LBP: variants seen among roughly 807,000 people sequenced by gnomAD.
LBP encodes lipopolysaccharide binding protein.
LBP carries 53 observed loss-of-function variants against 56.6 expected under a neutral mutation model. The ratio of observed to expected loss-of-function variants is 0.94; its 90% confidence interval spans 0.75 to 1.18. The LOEUF is 1.18. Ranked by LOEUF, LBP falls within the 50% of genes most tolerant of loss-of-function variation. LBP has a pLI of 0.00. For missense variants in LBP, 601 were observed against 598.3 expected (o/e 1.00, Z -0.05); for synonymous variants, 227 against 247.5 (o/e 0.92, Z 0.78).
At chr20:38,362,207 C>A (rs1404420596) in intron 6 of LBP, among the ~76,000 whole-genome samples, 3 of 150,696 alleles carry the variant, frequency 2.0e-5, no homozygotes, top group Non-Finnish European at 4.4e-5. Flanking sequence ...TACAGGCGCC[C>A]GCCACCACGT....
intron 2 of LBP, among the ~76,000 whole-genome samples, chr20:38,350,037 G>C (rs965273071): frequency 6.6e-6 from 1 of 152,180 alleles, no homozygotes; most frequent in Non-Finnish European, 1.5e-5. Flanking sequence ...GGTTAGAGCT[G>C]AAGTTTGTAC....
chr20:38,368,797 G>A (rs1431907885), intron 9 of LBP, among the ~76,000 whole-genome samples, 198 bp from the exon 10 acceptor site: 2 of 152,156 alleles, frequency 1.3e-5, no homozygotes, highest in Non-Finnish European at 2.9e-5. Flanking sequence ...CAACACAGCC[G>A]TGAAATAGAT....
chr20:38,359,817 C>G (rs989279523), intron 5 of LBP, among the ~76,000 whole-genome samples: 1 of 152,154 alleles, frequency 6.6e-6, no homozygotes, highest in Non-Finnish European at 1.5e-5. Context: ...TGCACATTTC[C>G]TTCTCTTGAG....
chr20:38,349,503 G>A (rs1314760708), intron 1 of LBP, 45 bp from the exon 2 acceptor site: 1 of 1,431,360 alleles, frequency 7.0e-7, no homozygotes, highest in South Asian at 1.2e-5. Context: ...AGCAGGGGAG[G>A]AGGCAGGCAG....
intron 10 of LBP, 59 bp from the exon 11 acceptor site, chr20:38,370,679 C>A: frequency 6.9e-7 from 1 of 1,457,250 alleles, no homozygotes; most frequent in Non-Finnish European, 9.6e-7. Context: ...TCGTCATCAT[C>A]CTTCCTATAC....
chr20:38,364,252 T>TA, intron 7 of LBP, among the ~76,000 whole-genome samples, 186 bp downstream of exon 7: 1 of 152,172 alleles, frequency 6.6e-6, no homozygotes, highest in Non-Finnish European at 1.5e-5. Context: ...ACGGCTGTCT[T>TA]ACACCTCTCA....
At chr20:38,370,642 G>A in intron 10 of LBP, 96 bp from the exon 11 acceptor site, 1 of 1,117,508 alleles carries the variant, frequency 8.9e-7, no homozygotes, top group Non-Finnish European at 1.4e-6. Flanking sequence ...TCATTGAGCT[G>A]TTTGTTGAGA....
chr20:38,364,770 C>G lies in LBP; in HGVS notation c.921+18C>G. 1 of 1,590,922 alleles carries G rather than the reference C, an allele frequency of 6.3e-7. No homozygotes were observed. The highest frequency in any genetic ancestry group is 8.6e-7 in the Non-Finnish European group (1 of 1,168,326). On this transcript the variant is annotated intron_variant, in intron 8 of 14. Transcript: ENST00000217407. The stretch of plus-strand genomic sequence containing the variant: ...ATGACATGGTGAGGATGGTGGCAAA[C>G]AGGTCTCTCAAATGAACACATAACC...
At chr20:38,352,935 G>A (rs1038879267) in intron 3 of LBP, among the ~76,000 whole-genome samples, 18 of 151,638 alleles carry the variant, frequency 1.2e-4, no homozygotes, top group Non-Finnish European at 2.5e-4. Context: ...TCTTTTTAAT[G>A]TATCTTCTGG....
chr20:38,373,146 C>A lies in LBP; in HGVS notation c.1324+11C>A, dbSNP rs769602557. On this transcript the variant is annotated intron_variant, in intron 13 of 14. Transcript: ENST00000217407. The stretch of plus-strand genomic sequence containing the variant: ...ACCCCAAGTTCAATGGTAAGAATCA[C>A]TGTGGATTTTTCCAAGTCAAAAGTG... The A allele has an allele frequency of 1.9e-6, 3 of 1,610,788 alleles. No homozygotes were observed. Among genetic ancestry groups the A allele is most frequent in the South Asian group, 2.2e-5 (2 of 91,004 alleles).
chr20:38,366,951 C>T, intron 9 of LBP, 123 bp downstream of exon 9: 1 of 885,470 alleles, frequency 1.1e-6, no homozygotes, highest in African/African-American at 1.6e-5. Context: ...GAGACTCCCA[C>T]TGAAGGCTGG....
At chr20:38,376,548 C>G in intron 14 of LBP, 77 bp from the exon 15 acceptor site, 1 of 1,325,724 alleles carries the variant, frequency 7.5e-7, no homozygotes, top group Non-Finnish European at 1.1e-6. Flanking sequence ...GAGACGTGGG[C>G]TCCCTTTCAA....
chr20:38,356,058 A>C (rs76186816), intron 5 of LBP, among the ~76,000 whole-genome samples: 19,345 of 142,030 alleles, frequency 0.14, 1,453 homozygotes, highest in South Asian at 0.2. Context: ...AAGGGAAAAA[A>C]ACACACACAC....
intron 10 of LBP, among the ~76,000 whole-genome samples, chr20:38,369,599 G>A (rs564784034): frequency 2.7e-4 from 41 of 152,276 alleles, no homozygotes; most frequent in African/African-American, 8.2e-4. Flanking sequence ...GAATGATGGC[G>A]GGGAGGAAGG....
In LBP at chr20:38,346,537, C is replaced by T. The variant is rs566638103; in HGVS notation, c.21C>T (p.Ala7=). 6 of 1,613,748 alleles carry T rather than the reference C, an allele frequency of 3.7e-6. No homozygotes were observed. The African/African-American group carries it at 6.7e-5, about 18-fold the overall frequency. The change falls in exon 1 of 15, where the codon GCC becomes GCT. Residue 7 remains alanine (A), a synonymous_variant. Transcript: ENST00000217407. ...CTAGGATGGGGGCCTTGGCCAGAGC[C>T]CTGCCGTCCATACTGCTGGCATTGC... MGALAR[A]LPSILLALLL...
chr20:38,363,737 T>TGTGTGC (rs1318835077), intron 6 of LBP, among the ~76,000 whole-genome samples: 1 of 151,746 alleles, frequency 6.6e-6, no homozygotes, highest in African/African-American at 2.4e-5. Context: ...TGTGTGTGTG[T>TGTGTGC]GCTTGTCTGG....
chr20:38,355,203 G>T, intron 4 of LBP, 143 bp from the exon 5 acceptor site: 1 of 706,562 alleles, frequency 1.4e-6, no homozygotes. Context: ...GAATCAGGCT[G>T]GATGTGCTGG....
intron 9 of LBP, among the ~76,000 whole-genome samples, chr20:38,368,321 C>T (rs560468196): frequency 6.6e-6 from 1 of 151,906 alleles, no homozygotes; most frequent in East Asian, 1.9e-4. Flanking sequence ...CATTGCTGGC[C>T]AGGTGCGGTG....
chr20:38,355,457 A>C, intron 5 of LBP, 48 bp downstream of exon 5: 1 of 1,514,140 alleles, frequency 6.6e-7, no homozygotes, highest in Non-Finnish European at 9.2e-7. Context: ...GCGAGGGCTG[A>C]ATGGAAGACC....
Sources: allele counts gnomAD v4.1 joint callset (sites outside exome capture counted in the v4.1 genomes callset), GRCh38; gene constraint gnomAD v4.1.1; transcripts MANE v1.5; gene names NCBI Gene and HGNC (gene_info 2026-07-23, HGNC 2026-07-21).